PGLYRP4: variants seen among roughly 807,000 people sequenced by gnomAD.
PGLYRP4 encodes the protein PGRP-I-beta.
In PGLYRP4, 39 loss-of-function variants were observed where a neutral mutation model predicts 41.2. The observed-to-expected ratio is 0.95, with a 90% CI of 0.73 to 1.24. The LOEUF (loss-of-function observed/expected upper bound fraction) is 1.24. Among genes scored for constraint, PGLYRP4 ranks in the 50% most tolerant of loss-of-function variants. The pLI, the probability that PGLYRP4 is intolerant of heterozygous loss-of-function variation, is 0.00. For synonymous variants in PGLYRP4, 202 were observed against 186.8 expected (o/e 1.08, Z -0.66); for missense variants, 467 against 460.7 (o/e 1.01, Z -0.13).
At chr1:153,340,719 G>T in intron 6 of PGLYRP4, 140 bp from the exon 7 acceptor site, 1 of 690,078 alleles carries the variant, frequency 1.4e-6, no homozygotes. Flanking sequence ...CAACCACCCT[G>T]CCCCCAACAG....
At chr1:153,333,801 T>A (rs1401586495) in intron 8 of PGLYRP4, among the ~76,000 whole-genome samples, 1 of 152,086 alleles carries the variant, frequency 6.6e-6, no homozygotes, top group Admixed American at 6.6e-5. Flanking sequence ...ATAAGCAGAA[T>A]TAAAACAAAA....
chr1:153,337,248 G>C lies in PGLYRP4; in HGVS notation c.876C>G (p.Val292=), dbSNP rs1056745111. The C allele has an allele frequency of 2.5e-6, 4 of 1,613,590 alleles. No individual in the cohort carries two copies. The highest frequency in any genetic ancestry group is 3.4e-6 in the Non-Finnish European group (4 of 1,179,828). Reference sequence around the variant, plus strand: ...CGTAGCCAGGGGTGGAGGAGCCTTGGACATTCCAGCCCACCCCTTCATAAA... The same window carrying C: ...CGTAGCCAGGGGTGGAGGAGCCTTGCACATTCCAGCCCACCCCTTCATAAA... ...GAIYEGVGWN[V]QGSSTPGYDD... is the part of the protein sequence containing the mutation. The change falls in exon 8 of 9, where the codon GTC becomes GTG. Residue 292 remains valine, a synonymous_variant. Coordinates refer to ENST00000359650, the MANE Select transcript of PGLYRP4 (RefSeq NM_020393.4).
chr1:153,331,922 A>C (rs913452084), intron 8 of PGLYRP4, among the ~76,000 whole-genome samples: 1 of 152,250 alleles, frequency 6.6e-6, no homozygotes, highest in Non-Finnish European at 1.5e-5. Context: ...CTGCAAAGCA[A>C]CTGGGTAACC....
At position 153,330,625 on chromosome 1, in the gene PGLYRP4, T is replaced by C; in HGVS notation, c.*142A>G. 1.6e-6 allele frequency: 1 copy of C among 640,928 alleles called. No individual in the cohort carries two copies. Among genetic ancestry groups the C allele is most frequent in the Non-Finnish European group, 2.8e-6 (1 of 362,740 alleles). The allele number at this position is 640,928 out of a possible 1,614,324, so 39.7% of individuals were successfully genotyped here. A position where few individuals can be genotyped will look rare whatever the true frequency, so the allele number is the denominator to read the frequency against. ...TGGAGGATGTTGGCAGGAGAGGGCA[T>C]GATCATCCCAACCTGAAAAAGGAGG... On this transcript the variant is annotated 3_prime_UTR_variant, in exon 9 of 9. Transcript: ENST00000359650.
chr1:153,335,835 C>A (rs3125234), intron 8 of PGLYRP4, among the ~76,000 whole-genome samples: 2 of 151,982 alleles, frequency 1.3e-5, no homozygotes. Flanking sequence ...ATTAGTACAA[C>A]CTCTATGGAG....
At chr1:153,340,359 C>T in intron 7 of PGLYRP4, 22 bp downstream of exon 7, 1 of 1,606,834 alleles carries the variant, frequency 6.2e-7, no homozygotes, top group East Asian at 2.2e-5. Context: ...AAAAGAAGCC[C>T]AGTGTACCCA....
chr1:153,340,626 G>C (rs751837234), intron 6 of PGLYRP4, 47 bp from the exon 7 acceptor site: 5 of 1,572,774 alleles, frequency 3.2e-6, no homozygotes. Context: ...CCCCATCTAT[G>C]CCAGCCACTT....
At chr1:153,342,708 A>G (rs1007443919) in intron 5 of PGLYRP4, among the ~76,000 whole-genome samples, 1 of 152,170 alleles carries the variant, frequency 6.6e-6, no homozygotes, top group African/African-American at 2.4e-5. Context: ...GCCTGGCAGG[A>G]ACTTGGAAAG....
intron 7 of PGLYRP4, among the ~76,000 whole-genome samples, chr1:153,339,140 C>A (rs1420906785): frequency 2.0e-5 from 3 of 152,334 alleles, no homozygotes; most frequent in Admixed American, 6.5e-5. Flanking sequence ...AAGGGACAGG[C>A]AACTACCCTC....
intron 7 of PGLYRP4, among the ~76,000 whole-genome samples, chr1:153,338,521 T>A (rs1660661439): frequency 6.6e-6 from 1 of 152,248 alleles, no homozygotes; most frequent in Non-Finnish European, 1.5e-5. Context: ...CCCTCAGCAC[T>A]GAGTGCACAC....
intron 7 of PGLYRP4, among the ~76,000 whole-genome samples, chr1:153,339,257 A>C: frequency 6.6e-6 from 1 of 152,260 alleles, no homozygotes; most frequent in East Asian, 1.9e-4. Context: ...CTCTTATTAA[A>C]GACAGCAACG....
Position 153,330,419 on chromosome 1 carries a change from C to G in PGLYRP4, c.*348G>C, listed in dbSNP as rs562764134. 4 of 175,570 alleles carry G rather than the reference C, an allele frequency of 2.3e-5. No individual in the cohort carries two copies. The highest frequency in any genetic ancestry group is 9.4e-5 in the African/African-American group (4 of 42,688). 10.9% of individuals were successfully genotyped at this position (175,570 alleles called of 1,614,324 possible). ...GAGGTGGGGGCTGCCAGGCAGACACCAGGGGAAGGCTCACCAGGCAGAGGG... is the reference window on the plus strand; with the variant it reads ...GAGGTGGGGGCTGCCAGGCAGACACGAGGGGAAGGCTCACCAGGCAGAGGG... On this transcript the variant is annotated 3_prime_UTR_variant, in exon 9 of 9. Transcript: ENST00000359650.
chr1:153,340,009 G>T (rs1294596632), intron 7 of PGLYRP4, among the ~76,000 whole-genome samples: 3 of 152,204 alleles, frequency 2.0e-5, no homozygotes, highest in Admixed American at 2.0e-4. Flanking sequence ...CAGAGCCCCA[G>T]CCTCTGAGTA....
chr1:153,341,854 C>T, intron 5 of PGLYRP4, 75 bp from the exon 6 acceptor site: 3 of 1,450,306 alleles, frequency 2.1e-6, no homozygotes, highest in East Asian at 2.3e-5. Flanking sequence ...GGAGAAGATG[C>T]TCTGCCAGCC....
At chr1:153,345,039 T>C (rs41308407) in intron 4 of PGLYRP4, 130 bp downstream of exon 4, 7,427 of 688,080 alleles carry the variant, frequency 0.011, 58 homozygotes, top group Non-Finnish European at 0.014. Context: ...GGGTTTTAAA[T>C]ATTTTATTCA....
In PGLYRP4 at chr1:153,338,107, T is replaced by C. The variant is rs1368712309; in HGVS notation, c.825-808A>G. On this transcript the variant is annotated intron_variant, in intron 7 of 8. Transcript: ENST00000359650. ...CGCACGTTCACAACTGGACCCATCT[T>C]CTTCGTCACCTGTTCCCCTTTCTGG... Among the ~76,000 whole-genome samples the C allele has an allele frequency of 4.6e-5, 7 of 152,298 alleles. No homozygotes were observed. The East Asian group carries it at 1.2e-3, about 25-fold the overall frequency.
chr1:153,344,283 A>C (rs1660913477), intron 4 of PGLYRP4, among the ~76,000 whole-genome samples: 1 of 152,230 alleles, frequency 6.6e-6, no homozygotes, highest in Non-Finnish European at 1.5e-5. Context: ...GGATCCCAGA[A>C]GCCAGGGTGA....
At chr1:153,334,464 T>TTTTATA (rs1553197035) in intron 8 of PGLYRP4, among the ~76,000 whole-genome samples, 3 of 57,148 alleles carry the variant, frequency 5.2e-5, no homozygotes, top group Admixed American at 1.5e-4. Context: ...ATATATATAT[T>TTTTATA]TATTTATATA....
chr1:153,334,961 C>A (rs995293044), intron 8 of PGLYRP4, among the ~76,000 whole-genome samples: 2 of 152,106 alleles, frequency 1.3e-5, no homozygotes, highest in African/African-American at 2.4e-5. Context: ...GGAAAGGACA[C>A]CCTATTGAAT....
Sources: allele counts gnomAD v4.1 joint callset (sites outside exome capture counted in the v4.1 genomes callset), GRCh38; gene constraint gnomAD v4.1.1; transcripts MANE v1.5; gene names NCBI Gene and HGNC (gene_info 2026-07-23, HGNC 2026-07-21).